The following UBR1 variants were observed in gnomAD, a reference collection of about 807,000 sequenced individuals.
UBR1 encodes the protein ubiquitin protein ligase E3 component n-recognin 1.
In UBR1, 102 loss-of-function variants were observed where a neutral mutation model predicts 242.1. The ratio of observed to expected loss-of-function variants is 0.42; its 90% CI spans 0.36 to 0.50. The LOEUF is 0.50. Among genes scored for constraint, UBR1 ranks in the 20% least tolerant of loss-of-function variants. The pLI is 0.01. For synonymous variants in UBR1, 675 were observed against 684.8 expected, an observed-to-expected ratio of 0.99 and a Z score of 0.22; for missense variants, 1,772 against 2,101.8, an observed-to-expected ratio of 0.84 and a Z score of 3.07.
intron 3 of UBR1, among the ~76,000 whole-genome samples, chr15:43,075,956 GCCCTCTCCCTCT>G (rs200961790): frequency 5.1e-4 from 54 of 105,332 alleles, no homozygotes; most frequent in South Asian, 1.7e-3. Context: ...AAAAACTCAT[GCCCTCTCCCTCT>G]CCCTCTCCCT....
chr15:42,988,093 C>T, intron 35 of UBR1, among the ~76,000 whole-genome samples: 1 of 152,130 alleles, frequency 6.6e-6, no homozygotes, highest in East Asian at 1.9e-4. Context: ...CTGCCTCAGT[C>T]TTCCTTTCCC....
intron 1 of UBR1, among the ~76,000 whole-genome samples, chr15:43,096,298 C>T (rs1201885571): frequency 2.0e-5 from 3 of 151,902 alleles, no homozygotes; most frequent in East Asian, 1.9e-4. Context: ...CTCAGTCTCC[C>T]GAGTAGCTGG....
intron 44 of UBR1, among the ~76,000 whole-genome samples, chr15:42,955,698 A>G (rs2031907579): frequency 6.6e-6 from 1 of 152,348 alleles, no homozygotes; most frequent in African/African-American, 2.4e-5. Flanking sequence ...TCACCCCCCA[A>G]TGGTGAAAGC....
chr15:42,970,459 CAAACAACTGAACAAG>C (rs1178954891), intron 40 of UBR1, 46 bp downstream of exon 40: 1 of 1,526,778 alleles, frequency 6.5e-7, no homozygotes, highest in East Asian at 2.2e-5. Context: ...GTTACGTTGC[CAAACAACTGAACAAG>C]AAATGGAATT....
At chr15:42,958,150 G>T in intron 43 of UBR1, 60 bp from the exon 44 acceptor site, 1 of 1,186,848 alleles carries the variant, frequency 8.4e-7, no homozygotes, top group Non-Finnish European at 1.3e-6. Context: ...ATCAAAAACT[G>T]CCCAAAGTGA....
intron 3 of UBR1, among the ~76,000 whole-genome samples, chr15:43,080,105 T>C (rs181255282): frequency 6.6e-6 from 1 of 152,224 alleles, no homozygotes; most frequent in African/African-American, 2.4e-5. Flanking sequence ...GCAGGCCACA[T>C]AGCCTCTGTC....
chr15:43,054,903 C>T lies in UBR1; in HGVS notation c.1282-4G>A, dbSNP rs370354214. ...GCTCTTCAATAAGATGTCGAGCCTGCGGAATATTTCAAGAATATTTTCTTT... is the reference window on the plus strand; with the variant it reads ...GCTCTTCAATAAGATGTCGAGCCTGTGGAATATTTCAAGAATATTTTCTTT... On this transcript the variant is annotated splice_region_variant and splice_polypyrimidine_tract_variant and intron_variant, in intron 11 of 46. Transcript: ENST00000290650. 1.0e-4 allele frequency: 161 copies of T among 1,613,712 alleles called. No homozygotes were observed. Among genetic ancestry groups the T allele is most frequent in the Middle Eastern group, 1.6e-4 (1 of 6,078 alleles).
In UBR1 at chr15:42,945,119, AGATT is replaced by A; in HGVS notation, c.*206_*209del. On this transcript the variant is annotated 3_prime_UTR_variant, in exon 47 of 47. Transcript: ENST00000290650. ...TCCTGGAAATACTAGCACATAAAAC[AGATT>A]GATCTATGTCCTTTTTTCCTGTGAA... 1 of 615,166 alleles carries A rather than the reference AGATT, an allele frequency of 1.6e-6. No homozygotes were observed. The highest frequency in any genetic ancestry group is 1.9e-5 in the South Asian group (1 of 51,440). 38.1% of individuals were successfully genotyped at this position (615,166 alleles called of 1,614,324 possible).
At chr15:42,994,464 T>C (rs890169528) in intron 33 of UBR1, among the ~76,000 whole-genome samples, 5 of 150,518 alleles carry the variant, frequency 3.3e-5, no homozygotes, top group African/African-American at 1.2e-4. Flanking sequence ...CTGTAGAACA[T>C]ATTACTAAAT....
At chr15:42,951,421 A>G (rs1356533035) in intron 45 of UBR1, among the ~76,000 whole-genome samples, 1 of 152,090 alleles carries the variant, frequency 6.6e-6, no homozygotes, top group African/African-American at 2.4e-5. Context: ...ATGGGGTTTC[A>G]CCACGTTGGC....
intron 33 of UBR1, among the ~76,000 whole-genome samples, 194 bp downstream of exon 33, chr15:42,997,974 T>C (rs1023539109): frequency 2.0e-5 from 3 of 152,202 alleles, no homozygotes; most frequent in African/African-American, 7.2e-5. Context: ...CTGTCTGTAT[T>C]GTCTCCTAGT....
intron 3 of UBR1, among the ~76,000 whole-genome samples, chr15:43,077,572 C>A (rs2033922525): frequency 6.7e-6 from 1 of 150,326 alleles, no homozygotes; most frequent in South Asian, 2.1e-4. Flanking sequence ...TGTTTATCTG[C>A]TGACCTTCCC....
intron 6 of UBR1, among the ~76,000 whole-genome samples, chr15:43,065,960 G>A (rs2033747601): frequency 6.6e-6 from 1 of 152,068 alleles, no homozygotes; most frequent in African/African-American, 2.4e-5. Context: ...TGCAGAAGCT[G>A]TTTAGTTTAA....
In UBR1 at chr15:43,022,739, T is replaced by A; in HGVS notation, c.2802A>T (p.Glu934Asp). The A allele has an allele frequency of 6.2e-7, 1 of 1,612,458 alleles. No individual in the cohort carries two copies. Among genetic ancestry groups the A allele is most frequent in the Non-Finnish European group, 8.5e-7 (1 of 1,179,060 alleles). ...GATAAAAGTCAAATGTTACTTCTTC[T>A]TCAGGAGCTTTTTGAAGCTGTTGCT... ...EEKQQLQKAP[E>D]EEVTFDFYHK... The change falls in exon 26 of 47, where the codon GAA becomes GAT. Residue 934 changes from glutamate (E) to aspartate (D), a missense_variant. Glu to Asp is a conservative substitution (Grantham distance 45). Coordinates refer to ENST00000290650, the MANE Select transcript of UBR1 (RefSeq NM_174916.3).
At chr15:43,101,280 A>C (rs2141373050) in intron 1 of UBR1, among the ~76,000 whole-genome samples, 1 of 152,338 alleles carries the variant, frequency 6.6e-6, no homozygotes, top group South Asian at 2.1e-4. Flanking sequence ...GATCTCATTT[A>C]ATCTTTAAAA....
Position 42,963,570 on chromosome 15 carries a change from C to G in UBR1, c.4700+365G>C, listed in dbSNP as rs546042592. Among the ~76,000 whole-genome samples, 3 of 152,148 alleles carry G rather than the reference C, an allele frequency of 2.0e-5. No homozygotes were observed. In the East Asian group the frequency reaches 5.8e-4, roughly 29 times the overall value. Reference sequence around the variant, plus strand: ...TTCTCAGTCACTCTCCTGATACATGCGCTACCATGTGAGATATGCTCCTAT... The same window carrying G: ...TTCTCAGTCACTCTCCTGATACATGGGCTACCATGTGAGATATGCTCCTAT... On this transcript the variant is annotated intron_variant, in intron 42 of 46. Transcript: ENST00000290650.
intron 32 of UBR1, among the ~76,000 whole-genome samples, chr15:43,000,991 G>T (rs917907799): frequency 6.6e-6 from 1 of 151,866 alleles, no homozygotes; most frequent in Admixed American, 6.6e-5. Context: ...GTGCCACCAT[G>T]CCAGGCTAAT....
At chr15:43,059,947 C>T in intron 7 of UBR1, 105 bp downstream of exon 7, 1 of 1,541,096 alleles carries the variant, frequency 6.5e-7, no homozygotes, top group Non-Finnish European at 9.0e-7. Flanking sequence ...CATCTAGGTG[C>T]CCCAAACCAC....
intron 12 of UBR1, among the ~76,000 whole-genome samples, chr15:43,053,333 A>C (rs1480384933): frequency 6.6e-6 from 1 of 152,204 alleles, no homozygotes; most frequent in Non-Finnish European, 1.5e-5. Flanking sequence ...ATTATGCACC[A>C]CTTAACTGGA....
Sources: gnomAD v4.1 joint callset for allele counts (sites outside exome capture counted in the v4.1 genomes callset) on GRCh38, gnomAD v4.1.1 for gene constraint, MANE v1.5 for transcripts, NCBI Gene and HGNC (gene_info 2026-07-23, HGNC 2026-07-21) for gene names.